TCF20: variants seen among roughly 807,000 people sequenced by gnomAD.
TCF20 encodes the protein SPRE-binding protein.
In TCF20, 3 loss-of-function variants were observed where a neutral mutation model predicts 148.6. That is an observed-to-expected ratio of 0.02 (90% CI 0.01 to 0.05). The LOEUF (loss-of-function observed/expected upper bound fraction) is 0.05. Ranked by LOEUF, TCF20 falls within the 10% of genes least tolerant of loss-of-function variation. The probability of loss-of-function intolerance (pLI) is 1.00; values close to 1 mark genes in which losing one functional copy is unlikely to be tolerated. For synonymous variants in TCF20, 1,049 were observed against 909.5 expected (o/e 1.15, Z -2.76); for missense variants, 2,350 against 2,429.3 (o/e 0.97, Z 0.69).
At chr22:42,251,493 T>TTC in intron 1 of TCF20, among the ~76,000 whole-genome samples, 1 of 33,172 alleles carries the variant, frequency 3.0e-5, no homozygotes, top group Non-Finnish European at 6.5e-5. Flanking sequence ...AACAAGTGTC[T>TTC]TTTTTTTTTT....
Position 42,343,060 on chromosome 22 carries a change from A to AT in TCF20, c.-37+418dup, listed in dbSNP as rs200712289. ...CATTATGGTGGTGGGACAATGGATGATTTTTTTTTCTTCTTTTCTACAATG... is the reference window on the plus strand; with the variant it reads ...CATTATGGTGGTGGGACAATGGATGATTTTTTTTTTCTTCTTTTCTACAATG... On this transcript the variant is annotated intron_variant, in intron 1 of 1. Transcript: ENST00000515426. 5.0e-3 allele frequency among the ~76,000 whole-genome samples: 767 copies of AT among 151,904 alleles called. 20 individuals carry two copies. The highest frequency in any genetic ancestry group is 0.046 in the Admixed American group (694 of 15,244).
At chr22:42,185,473 G>T (rs557421462) in intron 2 of TCF20, among the ~76,000 whole-genome samples, 8 of 152,272 alleles carry the variant, frequency 5.3e-5, no homozygotes, top group Non-Finnish European at 8.8e-5. Context: ...TGATGCTGGT[G>T]GAGCTTGGAG....
At chr22:42,171,973 C>T (rs1209751217) in intron 3 of TCF20, among the ~76,000 whole-genome samples, 2 of 152,220 alleles carry the variant, frequency 1.3e-5, no homozygotes, top group African/African-American at 2.4e-5. Context: ...TAATAAAACA[C>T]GCCTCATGTT....
chr22:42,335,056 C>T (rs974845976), intron 1 of TCF20, among the ~76,000 whole-genome samples: 12 of 152,154 alleles, frequency 7.9e-5, no homozygotes, highest in Admixed American at 1.3e-4. Context: ...GTTCTGCATA[C>T]GCTCCTGGGA....
intron 2 of TCF20, among the ~76,000 whole-genome samples, chr22:42,208,124 G>A (rs1489330483): frequency 6.6e-6 from 1 of 152,140 alleles, no homozygotes; most frequent in Non-Finnish European, 1.5e-5. Flanking sequence ...GCTGCAGTGA[G>A]CCATCATCAC....
At chr22:42,285,701 G>T (rs1927018355), upstream of TCF20, among the ~76,000 whole-genome samples, 1 of 151,892 alleles carries the variant, frequency 6.6e-6, no homozygotes, top group Non-Finnish European at 1.5e-5. The surrounding 1 kb of genome is among the most constrained non-coding windows in gnomAD (Gnocchi z 4.2). Context: ...TCGAACTCAT[G>T]GGCTCAAGTG....
intron 3 of TCF20, among the ~76,000 whole-genome samples, chr22:42,173,140 C>T (rs1601520362): frequency 6.6e-6 from 1 of 151,386 alleles, no homozygotes; most frequent in African/African-American, 2.4e-5. Flanking sequence ...AAAAAAAAAC[C>T]CTCCACACAA....
chr22:42,326,817 C>T (rs1438528420), intron 1 of TCF20, among the ~76,000 whole-genome samples: 2 of 152,232 alleles, frequency 1.3e-5, no homozygotes, highest in Non-Finnish European at 2.9e-5. Context: ...ACTGAAGAGC[C>T]CAGAGAGGGC....
intron 1 of TCF20, among the ~76,000 whole-genome samples, chr22:42,339,917 G>C (rs1417171229): frequency 6.6e-6 from 1 of 152,166 alleles, no homozygotes; most frequent in Non-Finnish European, 1.5e-5. Context: ...AAGAGTTTTA[G>C]GGTGGGAGAC....
intron 2 of TCF20, among the ~76,000 whole-genome samples, chr22:42,195,161 TTG>T (rs1489397119): frequency 2.7e-5 from 4 of 148,790 alleles, no homozygotes; most frequent in South Asian, 2.2e-4. Context: ...GATTCAGGAG[TTG>T]TGTTTTTCAA....
At chr22:42,333,869 C>T (rs1928020044) in intron 1 of TCF20, among the ~76,000 whole-genome samples, 2 of 152,236 alleles carry the variant, frequency 1.3e-5, no homozygotes, top group African/African-American at 2.4e-5. Flanking sequence ...ACCACGATGG[C>T]TCCTCCAGGT....
intron 1 of TCF20, among the ~76,000 whole-genome samples, chr22:42,333,180 G>A (rs775961874): frequency 1.2e-4 from 19 of 152,262 alleles, no homozygotes; most frequent in Non-Finnish European, 2.1e-4. Flanking sequence ...AGAGGACGGT[G>A]CACCCAGTCT....
At position 42,213,243 on chromosome 22, in the gene TCF20, G is replaced by A. The variant is rs200310258; in HGVS notation, c.2063C>T (p.Ala688Val). The change falls in exon 2 of 6, where the codon GCG (alanine) becomes GTG (valine). Residue 688 changes from alanine to valine, a missense_variant. By Grantham distance (64) the Ala-to-Val change is moderately conservative. Transcript: ENST00000677622. The part of the protein sequence containing the change: ...EGNGQSGHSA[A>V]GPGFTSRTEP... ...AGTTCTGCTCGTAAAACCAGGGCCCGCTGCAGAGTGGCCACTCTGGCCATT... is the reference window on the plus strand; with the variant it reads ...AGTTCTGCTCGTAAAACCAGGGCCCACTGCAGAGTGGCCACTCTGGCCATT... The A allele has an allele frequency of 1.7e-5, 27 of 1,614,166 alleles. No individual in the cohort carries two copies. The African/African-American group carries it at 1.7e-4, about 10-fold the overall frequency.
intron 1 of TCF20, among the ~76,000 whole-genome samples, chr22:42,225,121 A>C (rs948718287): frequency 4.0e-4 from 60 of 150,098 alleles, no homozygotes; most frequent in African/African-American, 1.4e-3. Context: ...TCAGCCTCCC[A>C]AGTAGCTGAG....
At chr22:42,257,241 C>T (rs955002641) in intron 1 of TCF20, among the ~76,000 whole-genome samples, 5 of 152,128 alleles carry the variant, frequency 3.3e-5, no homozygotes, top group African/African-American at 1.2e-4. Flanking sequence ...TCACCTAAAC[C>T]GCTAATATTC....
chr22:42,186,786 A>G (rs1569117998), intron 2 of TCF20, among the ~76,000 whole-genome samples: 1 of 152,258 alleles, frequency 6.6e-6, no homozygotes, highest in Non-Finnish European at 1.5e-5. Flanking sequence ...AATACAAACT[A>G]AAACTATTTT....
At chr22:42,267,990 A>G (rs1247720771) in intron 1 of TCF20, among the ~76,000 whole-genome samples, 2 of 152,132 alleles carry the variant, frequency 1.3e-5, no homozygotes, top group South Asian at 4.1e-4. Flanking sequence ...TACTTAAAAT[A>G]CAAAAATTAG....
intron 1 of TCF20, among the ~76,000 whole-genome samples, chr22:42,217,237 G>A (rs73887971): frequency 0.013 from 1,939 of 152,092 alleles, 24 homozygotes; most frequent in African/African-American, 0.035. Context: ...CCCCACAGTT[G>A]CCTTGTTCCT....
intron 1 of TCF20, among the ~76,000 whole-genome samples, chr22:42,230,247 A>G (rs985485352): frequency 1.3e-5 from 2 of 152,236 alleles, no homozygotes; most frequent in Non-Finnish European, 2.9e-5. Flanking sequence ...TGGTCCCATC[A>G]GAGTACAATG....
Sources: gnomAD v4.1 joint callset for allele counts (sites outside exome capture counted in the v4.1 genomes callset) on GRCh38, gnomAD v4.1.1 for gene constraint, Gnocchi (gnomAD v3.1) non-coding constraint, MANE v1.5 for transcripts, NCBI Gene and HGNC (gene_info 2026-07-23, HGNC 2026-07-21) for gene names.